The following SPATA13 variants were observed in gnomAD, a reference collection of about 807,000 sequenced individuals.
The protein encoded by SPATA13 is spermatogenesis-associated protein 13.
Under a neutral mutation model 104.0 loss-of-function variants are expected in SPATA13, and 50 were observed. The observed-to-expected ratio is 0.48, with a 90% CI of 0.38 to 0.61. The LOEUF is 0.61. SPATA13 is among the 20% of genes least tolerant of loss of function. SPATA13 has a pLI of 0.00. For synonymous variants in SPATA13, 606 were observed against 667.5 expected (o/e 0.91, Z 1.42); for missense variants, 1,524 against 1,690.6 (o/e 0.90, Z 1.73).
chr13:24,249,241 A>G (rs953692800), intron 2 of SPATA13, among the ~76,000 whole-genome samples: 1 of 152,252 alleles, frequency 6.6e-6, no homozygotes, highest in African/African-American at 2.4e-5. Context: ...AATTATGGTT[A>G]TTGAAATATC....
At chr13:24,104,102 GA>G (rs1880357552) in intron 3 of SPATA13, among the ~76,000 whole-genome samples, 1 of 152,060 alleles carries the variant, frequency 6.6e-6, no homozygotes, top group African/African-American at 2.4e-5. Context: ...AACTGTTAGA[GA>G]GCTGTAGATG....
At chr13:24,215,488 C>T (rs1871222526) in intron 1 of SPATA13, among the ~76,000 whole-genome samples, 1 of 152,102 alleles carries the variant, frequency 6.6e-6, no homozygotes, top group Non-Finnish European at 1.5e-5. Flanking sequence ...TGGGTGGAAG[C>T]TGAGTTGAAA....
chr13:24,100,235 C>T (rs1232992774), intron 3 of SPATA13, among the ~76,000 whole-genome samples: 1 of 152,148 alleles, frequency 6.6e-6, no homozygotes, highest in African/African-American at 2.4e-5. Context: ...AATGTGTTTA[C>T]TGAACCTTTT....
exon 2 of SPATA13, chr13:23,983,776 T>C (rs1189355333): frequency 2.0e-6 from 1 of 491,164 alleles, no homozygotes; most frequent in Non-Finnish European, 2.6e-6. Flanking sequence ...TGAAGCCTAG[T>C]TCCAGCTAGG....
intron 9 of SPATA13, among the ~76,000 whole-genome samples, chr13:24,291,749 T>TTTTTATTTTTTTTTTTTTA (rs1566197867): frequency 3.8e-5 from 3 of 79,784 alleles, no homozygotes; most frequent in African/African-American, 5.3e-5. Context: ...TATTTTTTTA[T>TTTTTATTTTTTTTTTTTTA]TTTTTTATTT....
chr13:24,057,020 TC>T (rs1274289001), intron 3 of SPATA13, among the ~76,000 whole-genome samples: 35 of 149,672 alleles, frequency 2.3e-4, no homozygotes, highest in East Asian at 9.9e-4. Context: ...TCTCTCTCTC[TC>T]TCTCTCTCTC....
chr13:24,140,164 A>G (rs1266288162), intron 3 of SPATA13, among the ~76,000 whole-genome samples: 1 of 152,230 alleles, frequency 6.6e-6, no homozygotes, highest in East Asian at 1.9e-4. Context: ...TGCCATAATA[A>G]GTTAAATCCA....
At chr13:24,187,103 A>G (rs1869197659) in intron 1 of SPATA13, among the ~76,000 whole-genome samples, 2 of 152,164 alleles carry the variant, frequency 1.3e-5, no homozygotes, top group Non-Finnish European at 2.9e-5. Flanking sequence ...TTTTCAAAGC[A>G]ATGTCGTCTG....
intron 1 of SPATA13, among the ~76,000 whole-genome samples, chr13:24,191,231 C>G (rs957350076): frequency 6.6e-6 from 1 of 152,108 alleles, no homozygotes; most frequent in Non-Finnish European, 1.5e-5. Flanking sequence ...CTGCCTCGGC[C>G]TCCCAAAATG....
At chr13:24,188,632 G>A (rs1869308591) in intron 1 of SPATA13, among the ~76,000 whole-genome samples, 1 of 152,244 alleles carries the variant, frequency 6.6e-6, no homozygotes, top group South Asian at 2.1e-4. Context: ...GAAGCAGCAA[G>A]TGCTGATGTA....
chr13:23,984,702 T>C (rs1223463553), intron 2 of SPATA13, among the ~76,000 whole-genome samples: 2 of 152,242 alleles, frequency 1.3e-5, no homozygotes, highest in African/African-American at 2.4e-5. Context: ...ATGCACTGCT[T>C]GGACAAGATC....
chr13:24,024,371 ATG>A, intron 3 of SPATA13, among the ~76,000 whole-genome samples: 1 of 152,232 alleles, frequency 6.6e-6, no homozygotes, highest in African/African-American at 2.4e-5. Context: ...GGATGGATGG[ATG>A]GATGGATGGA....
At chr13:24,082,100 G>A (rs915626813) in intron 3 of SPATA13, among the ~76,000 whole-genome samples, 14 of 152,194 alleles carry the variant, frequency 9.2e-5, no homozygotes, top group African/African-American at 2.9e-4. Flanking sequence ...GATGATGTCC[G>A]CTGCCACTTA....
At chr13:24,291,740 A>ATTTTTTTTTTTTTTTTTTT (rs111558434) in intron 9 of SPATA13, among the ~76,000 whole-genome samples, 1 of 138,810 alleles carries the variant, frequency 7.2e-6, no homozygotes, top group African/African-American at 2.7e-5. Flanking sequence ...CTCTGTCTTT[A>ATTTTTTTTTTTTTTTTTTT]TTTTTTTATT....
At chr13:24,274,267 C>T (rs914422794) in intron 4 of SPATA13, among the ~76,000 whole-genome samples, 1 of 152,164 alleles carries the variant, frequency 6.6e-6, no homozygotes, top group Non-Finnish European at 1.5e-5. Context: ...GTAAGCTTAA[C>T]CTGAAGGTCC....
chr13:24,170,881 G>T (rs1882940787), intron 1 of SPATA13, among the ~76,000 whole-genome samples: 1 of 152,020 alleles, frequency 6.6e-6, no homozygotes, highest in East Asian at 1.9e-4. Flanking sequence ...ATGATTCGTT[G>T]TTGGGAACAG....
intron 3 of SPATA13, among the ~76,000 whole-genome samples, chr13:24,024,541 C>T (rs780767673): frequency 7.2e-5 from 11 of 151,980 alleles, no homozygotes; most frequent in Non-Finnish European, 1.3e-4. Flanking sequence ...AGTCCCATGC[C>T]ACCAGGGCCC....
intron 2 of SPATA13, among the ~76,000 whole-genome samples, chr13:24,015,552 A>C (rs1164863879): frequency 6.6e-6 from 1 of 152,236 alleles, no homozygotes; most frequent in Admixed American, 6.5e-5. Flanking sequence ...GAGCTGAGTC[A>C]GGCCTGACCC....
chr13:24,260,278 A>G (rs1873996620), intron 4 of SPATA13, among the ~76,000 whole-genome samples: 1 of 152,226 alleles, frequency 6.6e-6, no homozygotes, highest in South Asian at 2.1e-4. Flanking sequence ...CAAAAAGTGG[A>G]GGCCAGAGAA....
Sources: allele counts gnomAD v4.1 joint callset (sites outside exome capture counted in the v4.1 genomes callset), GRCh38; gene constraint gnomAD v4.1.1; transcripts MANE v1.5; gene names NCBI Gene and HGNC (gene_info 2026-07-23, HGNC 2026-07-21).